SPECC1L: variants seen among roughly 807,000 people sequenced by gnomAD.
SPECC1L encodes cytospin-A.
A neutral mutation model predicts 116.8 loss-of-function variants in SPECC1L; 40 were observed. The ratio of observed to expected loss-of-function variants is 0.34; its 90% CI spans 0.27 to 0.45. The LOEUF (loss-of-function observed/expected upper bound fraction) is 0.45, where lower values mean the gene tolerates loss of function less well. Among genes scored for constraint, SPECC1L ranks in the 20% least tolerant of loss-of-function variants. The pLI, the probability that SPECC1L is intolerant of heterozygous loss-of-function variation, is 1.00. For synonymous variants in SPECC1L, 504 were observed against 500.6 expected (o/e 1.01, Z -0.09); for missense variants, 1,110 against 1,373.6 (o/e 0.81, Z 3.03).
At chr22:24,282,199 A>G (rs1402619047) in intron 2 of SPECC1L, among the ~76,000 whole-genome samples, 1 of 152,148 alleles carries the variant, frequency 6.6e-6, no homozygotes, top group Non-Finnish European at 1.5e-5. Flanking sequence ...TTTCTCAAGC[A>G]CTGATCTCAA....
intron 14 of SPECC1L, among the ~76,000 whole-genome samples, chr22:24,380,099 G>A (rs1159499894): frequency 6.6e-6 from 1 of 152,178 alleles, no homozygotes; most frequent in African/African-American, 2.4e-5. Context: ...TTGAACTCCT[G>A]ACCTCAAGTG....
At chr22:24,302,925 G>T (rs990591032) in intron 3 of SPECC1L, among the ~76,000 whole-genome samples, 1 of 151,924 alleles carries the variant, frequency 6.6e-6, no homozygotes, top group Non-Finnish European at 1.5e-5. Context: ...CTGGCAGCTG[G>T]TCCACGATGA....
chr22:24,346,489 G>T (rs1392037816), intron 10 of SPECC1L, among the ~76,000 whole-genome samples: 2 of 152,170 alleles, frequency 1.3e-5, no homozygotes, highest in African/African-American at 2.4e-5. Flanking sequence ...AATTACAAAA[G>T]GAGCACATCT....
At chr22:24,314,301 G>A (rs2040518603) in intron 4 of SPECC1L, among the ~76,000 whole-genome samples, 1 of 152,188 alleles carries the variant, frequency 6.6e-6, no homozygotes, top group South Asian at 2.1e-4. Flanking sequence ...TGCCCGCCTC[G>A]GCCTCCCAAA....
chr22:24,400,876 G>A (rs975234929), intron 14 of SPECC1L, among the ~76,000 whole-genome samples: 2 of 152,082 alleles, frequency 1.3e-5, no homozygotes, highest in African/African-American at 2.4e-5. Context: ...TTCTATTTAC[G>A]TCCTTTGCTC....
chr22:24,322,440 G>A lies in SPECC1L; in HGVS notation c.1460G>A (p.Arg487His), dbSNP rs55723436. 8.3e-3 allele frequency: 13,467 copies of A among 1,614,146 alleles called. 73 individuals are homozygous for A. The highest frequency in any genetic ancestry group is 0.01 in the Non-Finnish European group (12,018 of 1,180,032). ...YVIDEDVKSG[R>H]YMELEQRYMD... ...ATAGATGAAGATGTAAAAAGTGGGC[G>A]CTATATGGAATTAGAGCAACGTTAC... Residue 487 changes from arginine (R) to histidine (H), a missense_variant, in exon 5 of 17, where the codon CGC (arginine) becomes CAC (histidine). By Grantham distance (29) the Arg-to-His change is conservative. This residue lies in a region of SPECC1L where 575 missense variants were observed against 682.4 expected (regional missense o/e 0.84). Coordinates refer to ENST00000314328, the MANE Select transcript of SPECC1L (RefSeq NM_015330.6).
chr22:24,338,624 A>G (rs2041110620), intron 10 of SPECC1L, 147 bp downstream of exon 10: 2 of 633,926 alleles, frequency 3.2e-6, no homozygotes, highest in Non-Finnish European at 5.5e-6. Context: ...AAAATACTAT[A>G]AATATCTTTA....
chr22:24,351,135 G>A lies in SPECC1L; in HGVS notation c.2743+3959G>A, dbSNP rs562599568. On this transcript the variant is annotated intron_variant, in intron 11 of 16. Coordinates refer to ENST00000314328, the MANE Select transcript of SPECC1L (RefSeq NM_015330.6). ...TATCTTGATGGGGTTAGAGCAGGGC[G>A]AGGTTTACCAGGGGAAACCAGCACC... 1.1e-3 allele frequency among the ~76,000 whole-genome samples: 162 copies of A among 152,302 alleles called. 1 individual carries two copies. The highest frequency in any genetic ancestry group is 6.8e-3 in the Middle Eastern group (2 of 294).
Position 24,300,118 on chromosome 22 carries a change from C to CT in SPECC1L, c.-37-2076dup, listed in dbSNP as rs529217693. Among the ~76,000 whole-genome samples, 357 of 152,294 alleles carry CT rather than the reference C, an allele frequency of 2.3e-3. 1 individual carries two copies. The highest frequency in any genetic ancestry group is 3.9e-3 in the Non-Finnish European group (262 of 68,018). ...TTTGCTGCACCTATTGACCCATCCT[C>CT]TAAGTTCTCTCCCCTCGTTCCCCAC... is the stretch of plus-strand genomic sequence containing the variant. On this transcript the variant is annotated intron_variant, in intron 2 of 16. Coordinates refer to ENST00000314328, the MANE Select transcript of SPECC1L (RefSeq NM_015330.6).
Position 24,382,432 on chromosome 22 carries a change from C to T in SPECC1L, c.3087+13112C>T, listed in dbSNP as rs111367028. ...ACCTCAAGAGTAATGAGGCCGGGCGCGGTGGCTCCCGCCTGTAATCCCAGC... is the reference window on the plus strand; with the variant it reads ...ACCTCAAGAGTAATGAGGCCGGGCGTGGTGGCTCCCGCCTGTAATCCCAGC... On this transcript the variant is annotated intron_variant, in intron 14 of 16. Transcript: ENST00000314328. 2.6e-3 allele frequency among the ~76,000 whole-genome samples: 401 copies of T among 152,096 alleles called. 3 individuals are homozygous for T. Among genetic ancestry groups the T allele is most frequent in the African/African-American group, 8.9e-3 (369 of 41,470 alleles).
rs144885360 is a variant in SPECC1L, at chr22:24,292,099, G to T, written c.-37-10096G>T. Among the ~76,000 whole-genome samples the T allele has an allele frequency of 4.1e-3, 617 of 152,262 alleles. 7 individuals carry two copies. The highest frequency in any genetic ancestry group is 0.014 in the African/African-American group (576 of 41,540). On this transcript the variant is annotated intron_variant, in intron 2 of 16. Coordinates refer to ENST00000314328, the MANE Select transcript of SPECC1L (RefSeq NM_015330.6). ...ACTGTCCCTGTAGTTGCCAAGAGGG[G>T]TTCCCGTCCCACCCTGTGCCAGGGC...
intron 11 of SPECC1L, among the ~76,000 whole-genome samples, chr22:24,361,174 G>A (rs753495767): frequency 1.3e-5 from 2 of 151,994 alleles, no homozygotes; most frequent in Non-Finnish European, 2.9e-5. Flanking sequence ...AAGATGGGAG[G>A]ATTGCTTTAG....
At position 24,333,727 on chromosome 22, in the gene SPECC1L, T is replaced by C. The variant is rs186704331; in HGVS notation, c.2397-683T>C. 3.8e-3 allele frequency among the ~76,000 whole-genome samples: 584 copies of C among 152,142 alleles called. 3 individuals carry two copies. The highest frequency in any genetic ancestry group is 5.1e-3 in the Non-Finnish European group (348 of 68,008). ...ATATTATATAGTTATCAGGTACTGGTGAACCTCCAGACTCCTGAGAAGGGC... is the reference window on the plus strand; with the variant it reads ...ATATTATATAGTTATCAGGTACTGGCGAACCTCCAGACTCCTGAGAAGGGC... On this transcript the variant is annotated intron_variant, in intron 8 of 16. Coordinates refer to ENST00000314328, the MANE Select transcript of SPECC1L (RefSeq NM_015330.6).
intron 11 of SPECC1L, among the ~76,000 whole-genome samples, chr22:24,351,073 G>A (rs1468873374): frequency 2.6e-5 from 4 of 152,228 alleles, no homozygotes; most frequent in African/African-American, 7.2e-5. Flanking sequence ...GCCAACCCTC[G>A]AGGCCTTCTC....
At chr22:24,370,893 A>G (rs1310925125) in intron 14 of SPECC1L, among the ~76,000 whole-genome samples, 2 of 151,366 alleles carry the variant, frequency 1.3e-5, no homozygotes, top group Non-Finnish European at 2.9e-5. Context: ...AGAGACAAAA[A>G]GTAGAATGAT....
At chr22:24,393,841 T>C (rs1006918048) in intron 14 of SPECC1L, among the ~76,000 whole-genome samples, 3 of 152,138 alleles carry the variant, frequency 2.0e-5, no homozygotes, top group Non-Finnish European at 4.4e-5. Flanking sequence ...TCATCCTGCT[T>C]CTCCCCCACA....
At chr22:24,358,064 T>C (rs2041565648) in intron 11 of SPECC1L, among the ~76,000 whole-genome samples, 1 of 152,038 alleles carries the variant, frequency 6.6e-6, no homozygotes, top group African/African-American at 2.4e-5. Context: ...AATTTTGAGT[T>C]GTGTCTTGGG....
At chr22:24,303,364 T>G (rs1243645229) in intron 3 of SPECC1L, among the ~76,000 whole-genome samples, 2 of 152,246 alleles carry the variant, frequency 1.3e-5, no homozygotes, top group Non-Finnish European at 2.9e-5. Context: ...TATCATTCTG[T>G]GACCTGGAGG....
intron 14 of SPECC1L, among the ~76,000 whole-genome samples, chr22:24,378,136 T>C (rs1316659885): frequency 6.6e-6 from 1 of 152,258 alleles, no homozygotes; most frequent in Admixed American, 6.5e-5. Flanking sequence ...TCTGGGTAAC[T>C]TGCTGCAGCT....
Sources: gnomAD v4.1 joint callset for allele counts (sites outside exome capture counted in the v4.1 genomes callset) on GRCh38, gnomAD v4.1.1 for gene constraint, gnomAD v4.1.1 regional missense constraint, MANE v1.5 for transcripts, NCBI Gene and HGNC (gene_info 2026-07-23, HGNC 2026-07-21) for gene names.